NR2C1: variants seen among roughly 807,000 people sequenced by gnomAD.
The protein encoded by NR2C1 is TR2 nuclear hormone receptor.
Under a neutral mutation model 74.8 loss-of-function variants are expected in NR2C1, and 33 were observed. The ratio of observed to expected loss-of-function variants is 0.44; its 90% CI spans 0.33 to 0.59. NR2C1 has a LOEUF of 0.59. NR2C1 is among the 20% of genes least tolerant of loss of function. The probability of loss-of-function intolerance (pLI) is 0.02; values close to 1 mark genes in which losing one functional copy is unlikely to be tolerated. For missense variants in NR2C1, 568 were observed against 715.6 expected (o/e 0.79, Z 2.35); for synonymous variants, 225 against 240.6 (o/e 0.94, Z 0.60).
chr12:95,032,375 G>A (rs1200212260), intron 10 of NR2C1, among the ~76,000 whole-genome samples: 3 of 150,874 alleles, frequency 2.0e-5, no homozygotes, highest in Non-Finnish European at 4.4e-5. Context: ...GGAGAATGGT[G>A]TGAACCTGGG....
chr12:95,069,429 G>C (rs1051259064), intron 1 of NR2C1, among the ~76,000 whole-genome samples: 1 of 152,098 alleles, frequency 6.6e-6, no homozygotes, highest in Non-Finnish European at 1.5e-5. Flanking sequence ...GTTTAGATTT[G>C]TTACTTACAT....
At chr12:95,050,780 A>G (rs941411558) in intron 8 of NR2C1, among the ~76,000 whole-genome samples, 1 of 152,072 alleles carries the variant, frequency 6.6e-6, no homozygotes, top group African/African-American at 2.4e-5. Context: ...AAAACCCTGA[A>G]TAAACTGTTT....
At chr12:95,048,622 G>GCTTTTTTTTTTTTTTTTTTTTTTT (rs1432439180) in intron 9 of NR2C1, among the ~76,000 whole-genome samples, 1 of 130,526 alleles carries the variant, frequency 7.7e-6, no homozygotes. Context: ...ATGCAGATGA[G>GCTTTTTTTTTTTTTTTTTTTTTTT]TTTTTTTTTT....
intron 9 of NR2C1, among the ~76,000 whole-genome samples, chr12:95,041,415 G>A (rs1421850369): frequency 6.6e-6 from 1 of 152,100 alleles, no homozygotes; most frequent in African/African-American, 2.4e-5. Context: ...CTGGGAAGTG[G>A]AGGTTGCAGT....
rs779798899 is a variant in NR2C1 at position 95,040,435 on chromosome 12, C to G, written c.1253+41G>C. The G allele has an allele frequency of 1.9e-6, 3 of 1,571,428 alleles. No individual in the cohort carries two copies. In the South Asian group the frequency reaches 3.5e-5, roughly 18 times the overall value. On this transcript the variant is annotated intron_variant, in intron 10 of 13. Transcript: ENST00000333003. ...AAGTTTTGTTTAATGTACATTTGCA[C>G]TACAAAATCACATTTATATTCAAGA...
At chr12:95,058,028 C>T in intron 5 of NR2C1, 150 bp from the exon 6 acceptor site, 2 of 777,694 alleles carry the variant, frequency 2.6e-6, no homozygotes, top group Non-Finnish European at 4.0e-6. Context: ...AAATTATGTG[C>T]AAGTTCAACA....
At chr12:95,022,870 GTTT>G (rs557280268) in intron 13 of NR2C1, among the ~76,000 whole-genome samples, 1 of 142,604 alleles carries the variant, frequency 7.0e-6, no homozygotes, top group African/African-American at 2.6e-5. Context: ...AATTGTGTTT[GTTT>G]TTTTTTTTTT....
intron 10 of NR2C1, among the ~76,000 whole-genome samples, chr12:95,035,473 A>AT (rs1163538523): frequency 6.6e-6 from 1 of 152,192 alleles, no homozygotes; most frequent in Non-Finnish European, 1.5e-5. Flanking sequence ...ATGGAAAAAA[A>AT]TCAGAGCTGG....
chr12:95,041,254 G>A (rs1011995116), intron 9 of NR2C1, among the ~76,000 whole-genome samples: 12 of 152,126 alleles, frequency 7.9e-5, no homozygotes, highest in Non-Finnish European at 1.6e-4. Context: ...TTGGGAGGTG[G>A]AGACAGGTGG....
chr12:95,060,603 C>T (rs1293305242), intron 3 of NR2C1, among the ~76,000 whole-genome samples: 1 of 152,100 alleles, frequency 6.6e-6, no homozygotes, highest in Non-Finnish European at 1.5e-5. Context: ...TGCAGTGAGC[C>T]GAGACTGCAC....
chr12:95,022,502 TAA>T (rs1357617707), intron 13 of NR2C1, 99 bp from the exon 14 acceptor site: 1 of 961,978 alleles, frequency 1.0e-6, no homozygotes, highest in Non-Finnish European at 1.6e-6. Flanking sequence ...CCTAATTTAA[TAA>T]AGATAGCATT....
At chr12:95,058,870 C>T (rs916005246) in intron 4 of NR2C1, among the ~76,000 whole-genome samples, 1 of 152,056 alleles carries the variant, frequency 6.6e-6, no homozygotes, top group African/African-American at 2.4e-5. Context: ...CTCAAGCGAT[C>T]CTCCTGCCTC....
chr12:95,065,132 C>T (rs1459959968), intron 2 of NR2C1, among the ~76,000 whole-genome samples: 4 of 152,144 alleles, frequency 2.6e-5, no homozygotes, highest in African/African-American at 9.7e-5. Context: ...ATTATGTAAA[C>T]AGTTCTTAGC....
intron 13 of NR2C1, among the ~76,000 whole-genome samples, chr12:95,024,256 C>T (rs1869090583): frequency 6.6e-6 from 1 of 152,078 alleles, no homozygotes. Flanking sequence ...TTATATAGCC[C>T]TTACTGTATG....
chr12:95,063,848 G>A (rs2136193613), intron 2 of NR2C1, among the ~76,000 whole-genome samples: 1 of 151,460 alleles, frequency 6.6e-6, no homozygotes, highest in African/African-American at 2.4e-5. Flanking sequence ...TGGCCAAAAT[G>A]ACGAAACCCT....
At chr12:95,064,192 G>A (rs1264626269) in intron 2 of NR2C1, among the ~76,000 whole-genome samples, 2 of 151,706 alleles carry the variant, frequency 1.3e-5, no homozygotes, top group East Asian at 1.9e-4. Flanking sequence ...AGCTGGGCAT[G>A]GTGGCATGTG....
chr12:95,039,122 A>G (rs1374443346), intron 10 of NR2C1, among the ~76,000 whole-genome samples: 1 of 152,204 alleles, frequency 6.6e-6, no homozygotes, highest in African/African-American at 2.4e-5. Context: ...GAATGTTAAA[A>G]AAGGACTAAC....
rs550069594 is a variant in NR2C1 at position 95,053,681 on chromosome 12, G to GTTTTTTTTTTTTTT, written c.784-1752_784-1739dup. Reference sequence around the variant, plus strand: ...TTCTTCATGGTTTTTTCTTTTTGGTGTTTTTTTTTTTTTTTTTTTTTGAGA... The same window carrying GTTTTTTTTTTTTTT: ...TTCTTCATGGTTTTTTCTTTTTGGTGTTTTTTTTTTTTTTTTTTTTTTTTTTTTTTTTTTTGAGA... On this transcript the variant is annotated intron_variant, in intron 7 of 13. Coordinates refer to ENST00000333003, the MANE Select transcript of NR2C1 (RefSeq NM_003297.4). Among the ~76,000 whole-genome samples, 34 of 103,398 alleles carry GTTTTTTTTTTTTTT rather than the reference G, an allele frequency of 3.3e-4. 1 individual carries two copies. The highest frequency in any genetic ancestry group is 1.3e-3 in the African/African-American group (33 of 24,990). The allele number at this position is 103,398 out of a possible 152,430, so 67.8% of individuals were successfully genotyped here. A position where few individuals can be genotyped will look rare whatever the true frequency, so the allele number is the denominator to read the frequency against.
At position 95,022,311 on chromosome 12, in the gene NR2C1, A is replaced by G; in HGVS notation, c.1730T>C (p.Ile577Thr). ...ATGTGGGATAACACTGTCAATTCGTATATTGCCAATGAGACCTTTGAAAAA... is the reference window on the plus strand; with the variant it reads ...ATGTGGGATAACACTGTCAATTCGTGTATTGCCAATGAGACCTTTGAAAAA... ...ELFFKGLIGN[I>T]RIDSVIPHIL... is the part of the protein sequence containing the mutation. The change falls in exon 14 of 14, where the codon ATA (isoleucine) becomes ACA (threonine). Residue 577 changes from isoleucine to threonine, a missense_variant. Physicochemically the swap from Ile to Thr is moderately conservative, Grantham distance 89. Transcript: ENST00000333003. The G allele has an allele frequency of 6.2e-7, 1 of 1,612,922 alleles. No individual in the cohort carries two copies. Among genetic ancestry groups the G allele is most frequent in the Non-Finnish European group, 8.5e-7 (1 of 1,179,134 alleles).
Sources: gnomAD v4.1 joint callset for allele counts (sites outside exome capture counted in the v4.1 genomes callset) on GRCh38, gnomAD v4.1.1 for gene constraint, MANE v1.5 for transcripts, NCBI Gene and HGNC (gene_info 2026-07-23, HGNC 2026-07-21) for gene names.